SAMD4A: variants seen among roughly 807,000 people sequenced by gnomAD.
SAMD4A encodes sterile alpha motif domain containing 4A.
In SAMD4A, 33 loss-of-function variants were observed where a neutral mutation model predicts 81.3. That is an observed-to-expected ratio of 0.41 (90% CI 0.31 to 0.54). SAMD4A has a LOEUF of 0.54. Among genes scored for constraint, SAMD4A ranks in the 20% least tolerant of loss-of-function variants. The pLI is 0.37. For missense variants in SAMD4A, 854 were observed against 951.1 expected (o/e 0.90, Z 1.34); for synonymous variants, 389 against 382.1 (o/e 1.02, Z -0.21).
chr14:54,741,257 A>T (rs1287291070), intron 4 of SAMD4A, among the ~76,000 whole-genome samples: 1 of 152,222 alleles, frequency 6.6e-6, no homozygotes, highest in Non-Finnish European at 1.5e-5. Flanking sequence ...CAAGAAAAAG[A>T]GAGAGAGAAA....
chr14:54,568,591 T>G (rs1345356430), intron 2 of SAMD4A, among the ~76,000 whole-genome samples: 1 of 150,512 alleles, frequency 6.6e-6, no homozygotes, highest in African/African-American at 2.4e-5. Context: ...AAAATCCAAT[T>G]TTATTATTCA....
At chr14:54,669,803 A>C (rs528196767) in intron 2 of SAMD4A, among the ~76,000 whole-genome samples, 11 of 152,342 alleles carry the variant, frequency 7.2e-5, no homozygotes, top group African/African-American at 2.4e-4. Context: ...TAGCATGGAA[A>C]GATGACGTTG....
At chr14:54,647,120 C>A (rs886709934) in intron 2 of SAMD4A, among the ~76,000 whole-genome samples, 2 of 152,184 alleles carry the variant, frequency 1.3e-5, no homozygotes, top group South Asian at 2.1e-4. Flanking sequence ...ATTTGGGATA[C>A]CTTTTCATCT....
At chr14:54,737,527 A>ACG (rs71448409) in intron 4 of SAMD4A, among the ~76,000 whole-genome samples, 1 of 117,392 alleles carries the variant, frequency 8.5e-6, no homozygotes, top group Non-Finnish European at 1.7e-5. Flanking sequence ...AGGTCAACCC[A>ACG]CTCTCTCTCT....
chr14:54,591,637 G>T (rs1249533300), intron 2 of SAMD4A, among the ~76,000 whole-genome samples: 1 of 151,800 alleles, frequency 6.6e-6, no homozygotes, highest in African/African-American at 2.4e-5. Context: ...ATGTGTAGCT[G>T]CCCCATTCAT....
chr14:54,701,933 G>T, intron 2 of SAMD4A, 129 bp from the exon 3 acceptor site: 2 of 996,382 alleles, frequency 2.0e-6, no homozygotes, highest in East Asian at 2.6e-5. Flanking sequence ...TGATTCACAG[G>T]CTCTTTTGAG....
chr14:54,599,938 T>C (rs1488778368), intron 2 of SAMD4A, among the ~76,000 whole-genome samples: 1 of 152,196 alleles, frequency 6.6e-6, no homozygotes. Flanking sequence ...AGAGAGTTTA[T>C]AGATTTGTAG....
At chr14:54,601,181 T>C (rs1013943193) in intron 2 of SAMD4A, among the ~76,000 whole-genome samples, 3 of 152,224 alleles carry the variant, frequency 2.0e-5, no homozygotes. Flanking sequence ...TAACCTATCC[T>C]GTTTCCTTTT....
At chr14:54,652,008 CAA>C (rs1254619222) in intron 2 of SAMD4A, among the ~76,000 whole-genome samples, 1 of 152,216 alleles carries the variant, frequency 6.6e-6, no homozygotes, top group Non-Finnish European at 1.5e-5. Context: ...GAATTATACT[CAA>C]GAGTTAGTGT....
intron 2 of SAMD4A, among the ~76,000 whole-genome samples, chr14:54,649,916 A>T (rs1404361750): frequency 1.3e-5 from 2 of 152,064 alleles, no homozygotes; most frequent in Non-Finnish European, 2.9e-5. Context: ...TCTTGGGTTT[A>T]TTTGGCATTT....
intron 2 of SAMD4A, among the ~76,000 whole-genome samples, chr14:54,670,692 C>A (rs1045073779): frequency 6.6e-5 from 10 of 152,176 alleles, no homozygotes; most frequent in South Asian, 4.1e-4. Flanking sequence ...GTTGTTATTG[C>A]TGCAATTGTT....
intron 11 of SAMD4A, among the ~76,000 whole-genome samples, chr14:54,783,202 T>C (rs1213008203): frequency 6.6e-6 from 1 of 151,692 alleles, no homozygotes; most frequent in Non-Finnish European, 1.5e-5. Flanking sequence ...CTCTTAGCTG[T>C]CAGAGTTTCC....
intron 2 of SAMD4A, among the ~76,000 whole-genome samples, chr14:54,577,172 A>G (rs1030470243): frequency 1.3e-5 from 2 of 152,246 alleles, no homozygotes; most frequent in African/African-American, 4.8e-5. Flanking sequence ...CAGATGAGGT[A>G]GGCATGTATC....
chr14:54,716,801 G>A (rs2037130720), intron 3 of SAMD4A, among the ~76,000 whole-genome samples: 1 of 152,030 alleles, frequency 6.6e-6, no homozygotes, highest in African/African-American at 2.4e-5. Context: ...CTTCTTCTCT[G>A]ATTGTATGTT....
intron 2 of SAMD4A, among the ~76,000 whole-genome samples, chr14:54,644,734 C>T (rs2035249276): frequency 6.6e-6 from 1 of 152,126 alleles, no homozygotes. Flanking sequence ...TGATTCAGAT[C>T]TTAAACACAT....
chr14:54,575,818 T>G (rs997401075), intron 2 of SAMD4A, among the ~76,000 whole-genome samples: 1 of 152,172 alleles, frequency 6.6e-6, no homozygotes, highest in Non-Finnish European at 1.5e-5. Context: ...TTTTATATAC[T>G]GCTCTCAGCA....
At chr14:54,642,908 C>T (rs2035205494) in intron 2 of SAMD4A, among the ~76,000 whole-genome samples, 1 of 152,186 alleles carries the variant, frequency 6.6e-6, no homozygotes. Flanking sequence ...CTCTGGATGA[C>T]AGAGAGCTCA....
chr14:54,778,551 AGTTACCTGCAAGTCTC>A (rs1457503541), intron 11 of SAMD4A, among the ~76,000 whole-genome samples: 1 of 152,228 alleles, frequency 6.6e-6, no homozygotes, highest in Admixed American at 6.5e-5. Context: ...AGCAGTCTGT[AGTTACCTGCAAGTCTC>A]TAAATAATAT....
Position 54,647,902 on chromosome 14 carries a change from G to A in SAMD4A, c.197-54160G>A, listed in dbSNP as rs2035319334. ...CTACAGCTGCGCTGTTGATAAAAGT[G>A]TTGGGTTGTATAAAATGTTGAGTTG... On this transcript the variant is annotated intron_variant, in intron 2 of 12. Transcript: ENST00000554335. Among the ~76,000 whole-genome samples, 2 of 152,242 alleles carry A rather than the reference G, an allele frequency of 1.3e-5. 1 individual carries two copies. Among genetic ancestry groups the A allele is most frequent in the South Asian group, 4.1e-4 (2 of 4,830 alleles).
Sources: gnomAD v4.1 joint callset for allele counts (sites outside exome capture counted in the v4.1 genomes callset) on GRCh38, gnomAD v4.1.1 for gene constraint, MANE v1.5 for transcripts, NCBI Gene and HGNC (gene_info 2026-07-23, HGNC 2026-07-21) for gene names.